Variants in ZMAT4 observed in about 807,000 individuals in gnomAD.
ZMAT4 encodes the protein zinc finger matrin-type 4.
In ZMAT4, 17 loss-of-function variants were observed where a neutral mutation model predicts 28.7. The observed-to-expected ratio is 0.59, with a 90% CI of 0.41 to 0.89. The LOEUF (loss-of-function observed/expected upper bound fraction) is 0.89, where lower values mean the gene tolerates loss of function less well. ZMAT4 is among the 40% of genes least tolerant of loss of function. ZMAT4 has a pLI of 0.00. For missense variants in ZMAT4, 240 were observed against 283.8 expected (o/e 0.85, Z 1.11); for synonymous variants, 117 against 109.2 (o/e 1.07, Z -0.44).
At position 40,544,498 on chromosome 8, in the gene ZMAT4, T is replaced by A. The variant is rs555199925; in HGVS notation, c.675-12260A>T. ...CTTACCGATTGTCTCAATGGAACAG[T>A]CGGACGACTAGGAAGCATCAAGACA... On this transcript the variant is annotated intron_variant, in intron 6 of 6. Transcript: ENST00000297737. Among the ~76,000 whole-genome samples the A allele has an allele frequency of 4.6e-5, 7 of 152,306 alleles. No individual in the cohort carries two copies. In the South Asian group the frequency reaches 1.5e-3, roughly 32 times the overall value.
At chr8:40,844,145 C>T (rs767468756) in intron 1 of ZMAT4, among the ~76,000 whole-genome samples, 37 of 152,088 alleles carry the variant, frequency 2.4e-4, no homozygotes, top group Non-Finnish European at 5.0e-4. Context: ...TTGTTTTTTT[C>T]TAAAGAAAGG....
intron 5 of ZMAT4, among the ~76,000 whole-genome samples, chr8:40,582,465 G>C (rs1490773406): frequency 6.6e-6 from 1 of 151,994 alleles, no homozygotes; most frequent in Non-Finnish European, 1.5e-5. Context: ...TGACAGCCTG[G>C]ATGACAGAGT....
intron 1 of ZMAT4, among the ~76,000 whole-genome samples, chr8:40,884,073 T>C (rs935754465): frequency 1.3e-5 from 2 of 152,140 alleles, no homozygotes; most frequent in Non-Finnish European, 2.9e-5. Context: ...GCAGGGAGCA[T>C]TTGTCTCCAC....
chr8:40,750,685 C>T (rs1812420348), intron 3 of ZMAT4, among the ~76,000 whole-genome samples: 1 of 152,086 alleles, frequency 6.6e-6, no homozygotes. Flanking sequence ...ACTGGAGAAT[C>T]AGACACCTGA....
intron 2 of ZMAT4, among the ~76,000 whole-genome samples, chr8:40,819,434 A>G (rs560923044): frequency 5.8e-4 from 88 of 152,198 alleles, no homozygotes; most frequent in African/African-American, 1.8e-3. Context: ...CTTCATCAAA[A>G]TTGTCCCACC....
At chr8:40,759,402 T>C (rs1369754418) in intron 3 of ZMAT4, among the ~76,000 whole-genome samples, 1 of 152,102 alleles carries the variant, frequency 6.6e-6, no homozygotes, top group African/African-American at 2.4e-5. Flanking sequence ...GTATTACCTT[T>C]GAGAGATGAC....
rs28723618 is a variant in ZMAT4, at chr8:40,728,241, T to A, written c.193-30840A>T. 4.7e-3 allele frequency among the ~76,000 whole-genome samples: 717 copies of A among 152,282 alleles called. 3 individuals carry two copies. Among genetic ancestry groups the A allele is most frequent in the African/African-American group, 0.016 (683 of 41,558 alleles). ...ACTTAAGATAAATTTCACTCACATT[T>A]CCTCATAAATATTATTCTTAGCATC... On this transcript the variant is annotated intron_variant, in intron 3 of 6. Coordinates refer to ENST00000297737, the MANE Select transcript of ZMAT4 (RefSeq NM_024645.3).
intron 5 of ZMAT4, among the ~76,000 whole-genome samples, chr8:40,646,148 T>G (rs1456894016): frequency 6.6e-6 from 1 of 151,996 alleles, no homozygotes; most frequent in Non-Finnish European, 1.5e-5. Context: ...TTTTTGCTTT[T>G]TAAGTGTTTA....
intron 5 of ZMAT4, among the ~76,000 whole-genome samples, chr8:40,599,814 G>C (rs1210831722): frequency 3.9e-5 from 6 of 152,184 alleles, no homozygotes; most frequent in Admixed American, 1.3e-4. Context: ...GGAGGCATAG[G>C]GGGGCCCCCG....
intron 4 of ZMAT4, among the ~76,000 whole-genome samples, chr8:40,694,490 G>C (rs958331164): frequency 1.3e-5 from 2 of 152,118 alleles, no homozygotes; most frequent in Non-Finnish European, 2.9e-5. Flanking sequence ...AGCAGGCCTT[G>C]CTACCATCTG....
At position 40,752,264 on chromosome 8, in the gene ZMAT4, G is replaced by A. The variant is rs77129310; in HGVS notation, c.192+15377C>T. On this transcript the variant is annotated intron_variant, in intron 3 of 6. Transcript: ENST00000297737. The stretch of plus-strand genomic sequence containing the variant: ...TTGGGCATCAGCACAATTGCAGGGT[G>A]CCTCTAGCCTGTGTCCCTGTGTCCC... Among the ~76,000 whole-genome samples the A allele has an allele frequency of 9.2e-3, 1,401 of 152,290 alleles. 22 individuals carry two copies. Among genetic ancestry groups the A allele is most frequent in the African/African-American group, 0.033 (1,351 of 41,556 alleles).
At position 40,697,232 on chromosome 8, in the gene ZMAT4, T is replaced by G. The variant is rs1379798360; in HGVS notation, c.349+13A>C. ...TTTCAGGGTCTCCCCACGATCACTG[T>G]TCCTGCACGTACCTGTGGTCTTTAA... On this transcript the variant is annotated intron_variant, in intron 4 of 6. Coordinates refer to ENST00000297737, the MANE Select transcript of ZMAT4 (RefSeq NM_024645.3). 6.3e-7 allele frequency: 1 copy of G among 1,595,670 alleles called. No individual in the cohort carries two copies. Among genetic ancestry groups the G allele is most frequent in the Admixed American group, 1.7e-5 (1 of 58,022 alleles).
intron 5 of ZMAT4, among the ~76,000 whole-genome samples, chr8:40,658,810 T>C (rs1190898483): frequency 2.0e-5 from 3 of 152,172 alleles, no homozygotes; most frequent in Non-Finnish European, 4.4e-5. Context: ...TGCTGCTGAC[T>C]GGATCAGCCC....
chr8:40,742,087 A>AAAAAAAC (rs59686040), intron 3 of ZMAT4, among the ~76,000 whole-genome samples: 38,081 of 148,290 alleles, frequency 0.26, 5,698 homozygotes, highest in East Asian at 0.56. Flanking sequence ...AAAAATACAA[A>AAAAAAAC]AAAAAACAAA....
At chr8:40,714,074 A>G (rs1358727277) in intron 3 of ZMAT4, among the ~76,000 whole-genome samples, 4 of 152,270 alleles carry the variant, frequency 2.6e-5, no homozygotes, top group Admixed American at 6.5e-5. Flanking sequence ...ACTCATAAAA[A>G]TTGGAATATT....
At chr8:40,723,853 C>A (rs898665728) in intron 3 of ZMAT4, among the ~76,000 whole-genome samples, 18 of 152,072 alleles carry the variant, frequency 1.2e-4, no homozygotes, top group African/African-American at 4.1e-4. Context: ...GTGTCCCCTG[C>A]CCCTGTGTGG....
intron 2 of ZMAT4, among the ~76,000 whole-genome samples, chr8:40,773,957 T>A (rs1813489468): frequency 6.6e-6 from 1 of 151,698 alleles, no homozygotes; most frequent in African/African-American, 2.4e-5. Flanking sequence ...TAATAAAAAG[T>A]CCCAAAATAG....
At chr8:40,608,582 C>G (rs1279255503) in intron 5 of ZMAT4, among the ~76,000 whole-genome samples, 1 of 152,128 alleles carries the variant, frequency 6.6e-6, no homozygotes, top group Non-Finnish European at 1.5e-5. Context: ...TTTGCTCCAT[C>G]CCCCAGATTC....
intron 5 of ZMAT4, among the ~76,000 whole-genome samples, chr8:40,611,407 C>G (rs1805790356): frequency 6.6e-6 from 1 of 151,858 alleles, no homozygotes; most frequent in Admixed American, 6.6e-5. Flanking sequence ...GTGGCGCGAT[C>G]TCTGCTCACT....
Sources: allele counts gnomAD v4.1 joint callset (sites outside exome capture counted in the v4.1 genomes callset), GRCh38; gene constraint gnomAD v4.1.1; transcripts MANE v1.5; gene names NCBI Gene and HGNC (gene_info 2026-07-23, HGNC 2026-07-21).